The following TRAPPC9 variants were observed in gnomAD, a reference collection of about 807,000 sequenced individuals.
TRAPPC9 encodes trafficking protein particle complex subunit 9.
TRAPPC9 carries 83 observed loss-of-function variants against 124.0 expected under a neutral mutation model. That is an observed-to-expected ratio of 0.67 (90% confidence interval 0.56 to 0.80). The LOEUF (loss-of-function observed/expected upper bound fraction) is 0.80, where lower values mean the gene tolerates loss of function less well. Among genes scored for constraint, TRAPPC9 ranks in the 30% least tolerant of loss-of-function variants. The pLI is 0.00. For missense variants in TRAPPC9, 1,302 were observed against 1,508.3 expected (o/e 0.86, Z 2.27); for synonymous variants, 638 against 617.5 (o/e 1.03, Z -0.49).
chr8:139,816,017 C>T (rs928502831), intron 21 of TRAPPC9, among the ~76,000 whole-genome samples: 1 of 152,176 alleles, frequency 6.6e-6, no homozygotes, highest in Non-Finnish European at 1.5e-5. Context: ...GGTGGATTCC[C>T]GAGCCTGGAT....
At chr8:140,102,708 A>C (rs2060600716) in intron 17 of TRAPPC9, among the ~76,000 whole-genome samples, 1 of 152,258 alleles carries the variant, frequency 6.6e-6, no homozygotes, top group African/African-American at 2.4e-5. Flanking sequence ...AAGTGAGCAG[A>C]GACAAGTTTT....
At chr8:140,024,177 A>G (rs1839982979) in intron 17 of TRAPPC9, 98 bp from the exon 18 acceptor site, 1 of 1,436,812 alleles carries the variant, frequency 7.0e-7, no homozygotes, top group Non-Finnish European at 9.7e-7. Flanking sequence ...AAGAGTCTGA[A>G]GATAATCCCA....
intron 16 of TRAPPC9, among the ~76,000 whole-genome samples, chr8:140,227,411 G>C (rs1284592540): frequency 6.6e-6 from 1 of 152,136 alleles, no homozygotes; most frequent in Admixed American, 6.5e-5. Flanking sequence ...GAGGACTAAA[G>C]AGTTTAGTGG....
At chr8:140,421,981 T>A (rs547167863) in intron 5 of TRAPPC9, among the ~76,000 whole-genome samples, 1 of 25,040 alleles carries the variant, frequency 4.0e-5, no homozygotes, top group South Asian at 1.1e-3. Flanking sequence ...AGGTCCCTCA[T>A]GACAAAAAAA....
intron 18 of TRAPPC9, among the ~76,000 whole-genome samples, chr8:140,007,700 T>C (rs1392754654): frequency 1.3e-5 from 2 of 152,234 alleles, no homozygotes; most frequent in Non-Finnish European, 2.9e-5. Flanking sequence ...TTGATGTTTA[T>C]AAATCAGGCT....
At chr8:139,812,960 G>C (rs1041999556) in intron 21 of TRAPPC9, among the ~76,000 whole-genome samples, 3 of 152,236 alleles carry the variant, frequency 2.0e-5, no homozygotes, top group Non-Finnish European at 4.4e-5. Flanking sequence ...GAAGGTTCTA[G>C]AGCTGCAAGC....
intron 7 of TRAPPC9, among the ~76,000 whole-genome samples, chr8:140,375,960 A>G (rs1324284947): frequency 6.6e-6 from 1 of 152,200 alleles, no homozygotes; most frequent in African/African-American, 2.4e-5. Context: ...CTCTCCGGCT[A>G]TTTCCAGCCA....
chr8:140,181,588 GC>G (rs2062157921), intron 17 of TRAPPC9, among the ~76,000 whole-genome samples: 1 of 152,116 alleles, frequency 6.6e-6, no homozygotes, highest in Admixed American at 6.6e-5. Context: ...ACTGCACCCA[GC>G]CGTCACTATA....
intron 2 of TRAPPC9, among the ~76,000 whole-genome samples, chr8:140,442,472 G>A (rs764196155): frequency 2.2e-4 from 34 of 151,592 alleles, no homozygotes; most frequent in East Asian, 9.7e-4. Flanking sequence ...GGTGGCAGGC[G>A]CCGTAGTCCC....
intron 9 of TRAPPC9, among the ~76,000 whole-genome samples, chr8:140,325,462 C>T (rs750963169): frequency 2.6e-5 from 4 of 152,146 alleles, no homozygotes; most frequent in African/African-American, 7.2e-5. Flanking sequence ...GCAGATCCTA[C>T]GCTCATTAAG....
intron 4 of TRAPPC9, among the ~76,000 whole-genome samples, chr8:140,433,253 C>T (rs2070712248): frequency 6.6e-6 from 1 of 151,800 alleles, no homozygotes. Flanking sequence ...GATCATGCTG[C>T]TGCACTTCAG....
intron 15 of TRAPPC9, among the ~76,000 whole-genome samples, chr8:140,268,184 T>C (rs2064749038): frequency 6.6e-6 from 1 of 152,140 alleles, no homozygotes; most frequent in South Asian, 2.1e-4. Flanking sequence ...TGCTGTCTCC[T>C]ATAGTTAACA....
chr8:140,160,046 C>T (rs137960934), intron 17 of TRAPPC9, among the ~76,000 whole-genome samples: 2,638 of 152,252 alleles, frequency 0.017, 74 homozygotes, highest in African/African-American at 0.059. Flanking sequence ...CATGAAAAAA[C>T]GCTCATCATC....
chr8:140,072,786 CA>C (rs1843269672), intron 17 of TRAPPC9, among the ~76,000 whole-genome samples: 1 of 151,242 alleles, frequency 6.6e-6, no homozygotes, highest in Non-Finnish European at 1.5e-5. Context: ...TATATATCTT[CA>C]CTAGATACAT....
intron 16 of TRAPPC9, among the ~76,000 whole-genome samples, chr8:140,229,790 TCAAGTGATCCACCAG>T (rs2063550294): frequency 1.3e-5 from 2 of 151,556 alleles, no homozygotes; most frequent in African/African-American, 4.9e-5. Context: ...ACTCCTGGCC[TCAAGTGATCCACCAG>T]CCTTGGCCTC....
intron 15 of TRAPPC9, among the ~76,000 whole-genome samples, chr8:140,266,151 A>G (rs1187766953): frequency 6.6e-6 from 1 of 152,154 alleles, no homozygotes; most frequent in Non-Finnish European, 1.5e-5. Context: ...TTCACAATCT[A>G]CACATAAAAA....
intron 21 of TRAPPC9, among the ~76,000 whole-genome samples, chr8:139,872,015 G>A (rs528726695): frequency 3.0e-4 from 46 of 152,262 alleles, no homozygotes; most frequent in African/African-American, 1.1e-3. Context: ...TAGATGGGTT[G>A]GTGGGTAAAT....
chr8:140,036,881 C>T (rs1211654778), intron 17 of TRAPPC9, among the ~76,000 whole-genome samples: 3 of 151,946 alleles, frequency 2.0e-5, no homozygotes, highest in African/African-American at 7.3e-5. Flanking sequence ...AGTTCTGGGG[C>T]ACATGTGCAG....
intron 21 of TRAPPC9, among the ~76,000 whole-genome samples, chr8:139,744,894 G>C (rs553789574): frequency 2.2e-4 from 34 of 152,346 alleles, no homozygotes; most frequent in Admixed American, 4.6e-4. Context: ...AATGAAGTTG[G>C]AGAGGAGACC....
Sources: allele counts gnomAD v4.1 joint callset (sites outside exome capture counted in the v4.1 genomes callset), GRCh38; gene constraint gnomAD v4.1.1; transcripts MANE v1.5; gene names NCBI Gene and HGNC (gene_info 2026-07-23, HGNC 2026-07-21).